The following LARP4B variants were observed in gnomAD, a reference collection of about 807,000 sequenced individuals.
LARP4B encodes the protein la-related protein 4B.
A neutral mutation model predicts 89.8 loss-of-function variants in LARP4B; 12 were observed. The ratio of observed to expected loss-of-function variants is 0.13; its 90% CI spans 0.09 to 0.22. The LOEUF is 0.22. Among genes scored for constraint, LARP4B ranks in the 10% least tolerant of loss-of-function variants. LARP4B has a pLI of 1.00. For synonymous variants in LARP4B, 367 were observed against 363.3 expected (o/e 1.01, Z -0.12); for missense variants, 757 against 947.7 (o/e 0.80, Z 2.64).
At chr10:816,912 A>G (rs1832092018) in intron 15 of LARP4B, among the ~76,000 whole-genome samples, 1 of 152,170 alleles carries the variant, frequency 6.6e-6, no homozygotes, top group Non-Finnish European at 1.5e-5. Context: ...TGGAAGAGAC[A>G]CTGACTCTGC....
In LARP4B at chr10:811,292, T is replaced by C. The variant is rs1306911700; in HGVS notation, c.*1634A>G. The stretch of plus-strand genomic sequence containing the variant: ...AATATATCAATAATCTGTATCAGAA[T>C]TTTCTCTGTAGGGTACCTTTTTCAT... On this transcript the variant is annotated 3_prime_UTR_variant, in exon 18 of 18. Coordinates refer to ENST00000316157, the MANE Select transcript of LARP4B (RefSeq NM_015155.3). 1.3e-5 allele frequency: 2 copies of C among 152,640 alleles called. No individual in the cohort carries two copies. The highest frequency in any genetic ancestry group is 2.9e-5 in the Non-Finnish European group (2 of 68,038). The allele number at this position is 152,640 out of a possible 1,614,324, so 9.5% of individuals were successfully genotyped here. A position where few individuals can be genotyped will look rare whatever the true frequency, so the allele number is the denominator to read the frequency against.
At chr10:821,476 A>G (rs1438393795) in intron 13 of LARP4B, among the ~76,000 whole-genome samples, 1 of 152,184 alleles carries the variant, frequency 6.6e-6, no homozygotes, top group Non-Finnish European at 1.5e-5. Context: ...TAACCACAGG[A>G]CAGACACTGA....
At chr10:958,338 G>A in the LARP4B span, among the ~76,000 whole-genome samples, 15 of 151,694 alleles carry the variant, frequency 9.9e-5, no homozygotes, top group African/African-American at 3.4e-4. Context: ...GCACCTGGGC[G>A]CAGACACCCC....
chr10:854,292 T>C (rs908064498), intron 5 of LARP4B, among the ~76,000 whole-genome samples: 5 of 152,230 alleles, frequency 3.3e-5, no homozygotes, highest in African/African-American at 1.2e-4. Flanking sequence ...TGTTGACATT[T>C]TGGCCTTCCC....
upstream of LARP4B, among the ~76,000 whole-genome samples, chr10:936,607 C>G (rs910181116): frequency 3.3e-5 from 5 of 152,156 alleles, no homozygotes; most frequent in Admixed American, 3.3e-4. Context: ...CCTGTAGTCC[C>G]AGCTACTCGT....
intron 1 of LARP4B, among the ~76,000 whole-genome samples, chr10:912,902 A>G (rs1437246172): frequency 6.6e-6 from 1 of 152,104 alleles, no homozygotes; most frequent in African/African-American, 2.4e-5. Context: ...ACATTTAGCT[A>G]GCTATCCTGA....
At chr10:956,513 T>C in the LARP4B span, among the ~76,000 whole-genome samples, 1 of 151,950 alleles carries the variant, frequency 6.6e-6, no homozygotes, top group South Asian at 2.1e-4. The surrounding 1 kb of genome is among the most constrained non-coding windows in gnomAD (Gnocchi z 4.3). Flanking sequence ...GCCCAGCTAA[T>C]TTTTTGTATT....
the LARP4B span, among the ~76,000 whole-genome samples, chr10:961,190 G>C: frequency 6.6e-6 from 1 of 152,244 alleles, no homozygotes; most frequent in Non-Finnish European, 1.5e-5. Context: ...GGAAAATGAC[G>C]TAGGTCAGAA....
chr10:840,029 A>C (rs1424420809), intron 7 of LARP4B, among the ~76,000 whole-genome samples: 1 of 152,164 alleles, frequency 6.6e-6, no homozygotes, highest in Non-Finnish European at 1.5e-5. Flanking sequence ...GATATTGCAT[A>C]ATCGACTCCA....
intron 1 of LARP4B, chr10:924,426 A>T (rs1445382032): frequency 6.6e-6 from 1 of 152,248 alleles, no homozygotes; most frequent in Admixed American, 6.5e-5. Context: ...CCCTGCTTCC[A>T]CACGACTCTG....
the LARP4B span, among the ~76,000 whole-genome samples, chr10:941,917 A>G: frequency 6.6e-6 from 1 of 152,112 alleles, no homozygotes; most frequent in East Asian, 1.9e-4. Context: ...CTGGGATTAT[A>G]GGCTCAAACT....
Position 829,312 on chromosome 10 carries a change from A to G in LARP4B, c.1125+73T>C, listed in dbSNP as rs1832777568. The stretch of plus-strand genomic sequence containing the variant: ...GCACACATATCTGGCTTCCTATTAG[A>G]TGAGGATTTTAATCCTTCAAATTAT... On this transcript the variant is annotated intron_variant, in intron 11 of 17. Transcript: ENST00000316157. The G allele has an allele frequency of 1.3e-5, 17 of 1,273,944 alleles. No individual in the cohort carries two copies. The South Asian group carries it at 2.5e-4, about 19-fold the overall frequency. The allele number at this position is 1,273,944 out of a possible 1,614,324, so 78.9% of individuals were successfully genotyped here. A position where few individuals can be genotyped will look rare whatever the true frequency, so the allele number is the denominator to read the frequency against.
At chr10:879,990 T>C (rs1835606223) in intron 3 of LARP4B, among the ~76,000 whole-genome samples, 1 of 150,636 alleles carries the variant, frequency 6.6e-6, no homozygotes, top group African/African-American at 2.4e-5. Flanking sequence ...GTCAGGCTGG[T>C]CTCGAACTCC....
At chr10:881,770 C>G (rs1835674896) in intron 3 of LARP4B, among the ~76,000 whole-genome samples, 1 of 152,206 alleles carries the variant, frequency 6.6e-6, no homozygotes, top group Non-Finnish European at 1.5e-5. Context: ...CCTCCCACCT[C>G]CAGGTGTACG....
chr10:952,516 A>C, the LARP4B span, among the ~76,000 whole-genome samples: 2 of 116,742 alleles, frequency 1.7e-5, no homozygotes, highest in Non-Finnish European at 3.5e-5. Flanking sequence ...GACAACCTTT[A>C]AAAGGAAGAA....
At chr10:863,692 A>G (rs898684924) in intron 5 of LARP4B, 51 bp downstream of exon 5, 1 of 1,523,738 alleles carries the variant, frequency 6.6e-7, no homozygotes, top group Non-Finnish European at 8.8e-7. Context: ...AAAAAAAATA[A>G]ATAAAGCAGC....
intron 1 of LARP4B, among the ~76,000 whole-genome samples, chr10:921,472 C>G (rs1354347166): frequency 1.3e-5 from 2 of 152,138 alleles, no homozygotes; most frequent in Non-Finnish European, 2.9e-5. Flanking sequence ...AATAAAACTA[C>G]CACTTCTTTC....
chr10:807,635 A>T (rs1212541691), downstream of LARP4B: 1 of 152,270 alleles, frequency 6.6e-6, no homozygotes, highest in Non-Finnish European at 1.5e-5. Flanking sequence ...CAACCTCCTG[A>T]CCCCACCGGG....
chr10:907,858 T>C (rs988612292), intron 1 of LARP4B, among the ~76,000 whole-genome samples: 9 of 152,132 alleles, frequency 5.9e-5, no homozygotes, highest in East Asian at 1.9e-4. Context: ...TGGCAGAAGG[T>C]TGATCATCAA....
Sources: allele counts gnomAD v4.1 joint callset (sites outside exome capture counted in the v4.1 genomes callset), GRCh38; gene constraint gnomAD v4.1.1; non-coding constraint Gnocchi (gnomAD v3.1); transcripts MANE v1.5; gene names NCBI Gene and HGNC (gene_info 2026-07-23, HGNC 2026-07-21).